The following OR51B5 variants were observed in gnomAD, a reference collection of about 807,000 sequenced individuals.
OR51B5 encodes the protein olfactory receptor 51B5.
For missense variants in OR51B5, 456 were observed against 374.6 expected (o/e 1.22, Z -1.79); for synonymous variants, 186 against 144.8 (o/e 1.28, Z -2.04).
intron 1 of OR51B5, among the ~76,000 whole-genome samples, chr11:5,406,355 T>G (rs747137042): frequency 1.3e-5 from 2 of 152,124 alleles, no homozygotes; most frequent in African/African-American, 2.4e-5. Context: ...CCAATCTTTA[T>G]CCTGAAGTCC....
intron 1 of OR51B5, among the ~76,000 whole-genome samples, chr11:5,490,100 C>T (rs567756462): frequency 3.3e-5 from 5 of 152,272 alleles, no homozygotes; most frequent in East Asian, 3.9e-4. Flanking sequence ...AGAGTGCCTG[C>T]GTTTGAATCC....
At chr11:5,352,593 CTTAGAACA>C in intron 1 of OR51B5, 1 of 608,072 alleles carries the variant, frequency 1.6e-6, no homozygotes, top group African/African-American at 1.9e-5. Context: ...CCCTCTGCTA[CTTAGAACA>C]TTATTTTACC....
chr11:5,441,432 C>G, intron 1 of OR51B5: 1 of 1,613,914 alleles, frequency 6.2e-7, no homozygotes, highest in South Asian at 1.1e-5. Context: ...CAGGGCAACC[C>G]AGGTGAGGCC....
intron 1 of OR51B5, among the ~76,000 whole-genome samples, chr11:5,418,129 C>A (rs1439447205): frequency 2.7e-5 from 4 of 150,936 alleles, no homozygotes; most frequent in East Asian, 2.0e-4. Context: ...GTTGGAAATC[C>A]TCATTCTCAG....
At chr11:5,389,548 C>T (rs1229199797) in intron 1 of OR51B5, 1 of 1,613,908 alleles carries the variant, frequency 6.2e-7, no homozygotes, top group Admixed American at 1.7e-5. Context: ...ACATGGTTGC[C>T]ATCTCAGGCA....
At chr11:5,470,153 A>T (rs1257798059) in intron 1 of OR51B5, among the ~76,000 whole-genome samples, 22 of 152,234 alleles carry the variant, frequency 1.4e-4, no homozygotes, top group Non-Finnish European at 4.4e-5. Flanking sequence ...GAAGAAACCT[A>T]TACCAATTAA....
At chr11:5,409,000 G>GATCT (rs1374951438) in intron 1 of OR51B5, among the ~76,000 whole-genome samples, 1 of 151,982 alleles carries the variant, frequency 6.6e-6, no homozygotes, top group African/African-American at 2.4e-5. Context: ...CCAACTTGTT[G>GATCT]ATCTATAGGT....
At chr11:5,368,386 T>C (rs1849404408) in intron 1 of OR51B5, among the ~76,000 whole-genome samples, 1 of 152,194 alleles carries the variant, frequency 6.6e-6, no homozygotes, top group South Asian at 2.1e-4. Flanking sequence ...GTTGAATTAT[T>C]TTAATGATTA....
intron 1 of OR51B5, among the ~76,000 whole-genome samples, chr11:5,411,892 A>C (rs1850154084): frequency 6.6e-6 from 1 of 152,204 alleles, no homozygotes; most frequent in African/African-American, 2.4e-5. Context: ...TGGCCTCTAC[A>C]AGCTGGAAAA....
chr11:5,405,995 T>G (rs1048247734), intron 1 of OR51B5, among the ~76,000 whole-genome samples: 2 of 152,158 alleles, frequency 1.3e-5, no homozygotes, highest in African/African-American at 4.8e-5. Context: ...TTTCCTGAGA[T>G]GAGAAGAGAA....
At chr11:5,478,524 G>A (rs1257365741) in intron 1 of OR51B5, among the ~76,000 whole-genome samples, 82 of 136,786 alleles carry the variant, frequency 6.0e-4, no homozygotes, top group East Asian at 2.1e-3. Flanking sequence ...TGACTTTGAC[G>A]AGCTGAGAGA....
downstream of OR51B5, chr11:5,342,536 T>A (rs762078238): frequency 8.5e-6 from 13 of 1,521,836 alleles, no homozygotes; most frequent in Non-Finnish European, 1.1e-5. Context: ...GCTCTCCTGC[T>A]AAATATTAGA....
intron 1 of OR51B5, among the ~76,000 whole-genome samples, chr11:5,442,392 A>G (rs1850703252): frequency 6.6e-6 from 1 of 152,154 alleles, no homozygotes; most frequent in African/African-American, 2.4e-5. Flanking sequence ...TCCTTCTCCA[A>G]GGACAGGCTC....
At chr11:5,463,838 T>A (rs1447124881) in intron 1 of OR51B5, among the ~76,000 whole-genome samples, 1 of 152,338 alleles carries the variant, frequency 6.6e-6, no homozygotes, top group East Asian at 1.9e-4. Context: ...TGAGATTTGT[T>A]TGCTAACCAA....
intron 1 of OR51B5, among the ~76,000 whole-genome samples, chr11:5,483,777 G>T (rs76003678): frequency 6.6e-6 from 1 of 152,014 alleles, no homozygotes; most frequent in Non-Finnish European, 1.5e-5. Flanking sequence ...TTTCCCACCT[G>T]CACATCACAG....
intron 1 of OR51B5, among the ~76,000 whole-genome samples, chr11:5,371,464 G>T (rs1175220517): frequency 6.6e-6 from 1 of 152,022 alleles, no homozygotes; most frequent in Non-Finnish European, 1.5e-5. Flanking sequence ...CTGAGAGACA[G>T]TGATAGCTGT....
intron 1 of OR51B5, chr11:5,391,529 G>A (rs920545184): frequency 6.6e-6 from 1 of 152,198 alleles, no homozygotes; most frequent in Non-Finnish European, 1.5e-5. Context: ...AATATTAAAT[G>A]TATGCGTGGA....
intron 1 of OR51B5, among the ~76,000 whole-genome samples, chr11:5,359,014 A>T (rs1432738032): frequency 1.3e-5 from 2 of 152,176 alleles, no homozygotes; most frequent in East Asian, 1.9e-4. Context: ...AGAGCCATCT[A>T]TGACAAACCC....
intron 1 of OR51B5, chr11:5,393,343 G>A (rs1589971980): frequency 6.6e-6 from 1 of 151,306 alleles, no homozygotes; most frequent in Admixed American, 6.6e-5. Context: ...TTATTAAAAT[G>A]ACATTTAAAT....
Sources: gnomAD v4.1 joint callset for allele counts (sites outside exome capture counted in the v4.1 genomes callset) on GRCh38, gnomAD v4.1.1 for gene constraint, MANE v1.5 for transcripts, NCBI Gene and HGNC (gene_info 2026-07-23, HGNC 2026-07-21) for gene names.